Variants in ELMO1 observed in about 807,000 individuals in gnomAD.
ELMO1 encodes engulfment and cell motility protein 1.
ELMO1 carries 26 observed loss-of-function variants against 98.9 expected under a neutral mutation model. The observed-to-expected ratio is 0.26, with a 90% confidence interval of 0.19 to 0.36. ELMO1 has a LOEUF of 0.36. ELMO1 is among the 10% of genes least tolerant of loss of function. The pLI is 1.00. For synonymous variants in ELMO1, 346 were observed against 346.0 expected (o/e 1.00, Z 0.00); for missense variants, 627 against 935.2 (o/e 0.67, Z 4.30).
At chr7:36,981,660 A>T (rs1791064482) in intron 16 of ELMO1, among the ~76,000 whole-genome samples, 1 of 152,178 alleles carries the variant, frequency 6.6e-6, no homozygotes, top group Non-Finnish European at 1.5e-5. Flanking sequence ...CACAGTAAAT[A>T]GCAGGGCCAA....
chr7:37,206,577 C>A (rs1792635548), intron 13 of ELMO1, among the ~76,000 whole-genome samples: 1 of 152,172 alleles, frequency 6.6e-6, no homozygotes, highest in Non-Finnish European at 1.5e-5. Context: ...CCAACCCCTG[C>A]ATATGTAATT....
chr7:36,894,135 C>G (rs747759823), intron 17 of ELMO1, among the ~76,000 whole-genome samples: 9 of 152,122 alleles, frequency 5.9e-5, no homozygotes, highest in African/African-American at 9.7e-5. Context: ...GCTCTTAGAA[C>G]AGGAGAAAGG....
intron 21 of ELMO1, among the ~76,000 whole-genome samples, chr7:36,860,448 A>C (rs1802537291): frequency 6.6e-6 from 1 of 152,252 alleles, no homozygotes; most frequent in Non-Finnish European, 1.5e-5. Context: ...AGTAATTAAA[A>C]GTGTTCACAA....
chr7:37,347,307 A>C (rs1010009701), intron 1 of ELMO1, among the ~76,000 whole-genome samples: 1 of 152,220 alleles, frequency 6.6e-6, no homozygotes, highest in Admixed American at 6.5e-5. Context: ...CACAATTAGC[A>C]GCTGGGGCCA....
chr7:37,236,054 T>TA (rs1268198391), intron 7 of ELMO1, among the ~76,000 whole-genome samples: 11 of 152,358 alleles, frequency 7.2e-5, no homozygotes, highest in African/African-American at 2.6e-4. Flanking sequence ...AAGCAAAAGA[T>TA]AAAGTATATT....
At chr7:37,381,291 C>T (rs1375352491) in intron 1 of ELMO1, among the ~76,000 whole-genome samples, 2 of 152,214 alleles carry the variant, frequency 1.3e-5, no homozygotes, top group Non-Finnish European at 2.9e-5. Context: ...CATAAGACAA[C>T]TATTACTAAG....
intron 7 of ELMO1, among the ~76,000 whole-genome samples, chr7:37,239,722 A>G (rs545783119): frequency 6.6e-6 from 1 of 152,356 alleles, no homozygotes; most frequent in South Asian, 2.1e-4. Flanking sequence ...AGATCTGAAA[A>G]TGTCTCAGCC....
intron 7 of ELMO1, among the ~76,000 whole-genome samples, chr7:37,233,470 T>C (rs554564400): frequency 2.2e-4 from 33 of 152,310 alleles, no homozygotes; most frequent in African/African-American, 7.5e-4. Context: ...AGCTGTGTTG[T>C]TCTGGGCAAT....
chr7:37,032,856 T>TA (rs1562910568), intron 15 of ELMO1, among the ~76,000 whole-genome samples: 2 of 152,064 alleles, frequency 1.3e-5, no homozygotes, highest in Non-Finnish European at 2.9e-5. Context: ...AGCAACAAGA[T>TA]AAAGTGCAGT....
At chr7:37,039,895 C>G (rs1171090308) in intron 15 of ELMO1, among the ~76,000 whole-genome samples, 2 of 152,114 alleles carry the variant, frequency 1.3e-5, no homozygotes, top group Non-Finnish European at 2.9e-5. Context: ...AAGATGTAAA[C>G]TTCTTAAATT....
At chr7:37,371,292 T>C (rs1802105505) in intron 1 of ELMO1, among the ~76,000 whole-genome samples, 1 of 152,242 alleles carries the variant, frequency 6.6e-6, no homozygotes, top group Non-Finnish European at 1.5e-5. Context: ...GGGAAGAGAA[T>C]GGGATCCACG....
chr7:37,205,400 T>C (rs1321648823), intron 13 of ELMO1, among the ~76,000 whole-genome samples: 3 of 152,248 alleles, frequency 2.0e-5, no homozygotes, highest in South Asian at 4.1e-4. Flanking sequence ...ATTTAGTATA[T>C]GTTGTTGATT....
chr7:37,137,602 A>G (rs919695534), intron 13 of ELMO1, among the ~76,000 whole-genome samples: 6 of 151,936 alleles, frequency 3.9e-5, no homozygotes, highest in African/African-American at 7.3e-5. Flanking sequence ...CAGTGGTGCA[A>G]TCTCGCTCAC....
At position 37,437,046 on chromosome 7, in the gene ELMO1, C is replaced by A. The variant is rs1035480079; in HGVS notation, c.-74+11629G>T. On this transcript the variant is annotated intron_variant, in intron 1 of 21. Transcript: ENST00000310758. ...CCCCTACTTGGTGGAAGGTTCCAAACGATTGAAAAAGGGACATTTCCAAAG... is the reference window on the plus strand; with the variant it reads ...CCCCTACTTGGTGGAAGGTTCCAAAAGATTGAAAAAGGGACATTTCCAAAG... Among the ~76,000 whole-genome samples the A allele has an allele frequency of 3.3e-5, 5 of 152,106 alleles. No individual in the cohort carries two copies. The South Asian group carries it at 8.3e-4, about 25-fold the overall frequency.
intron 16 of ELMO1, among the ~76,000 whole-genome samples, chr7:36,936,428 A>C (rs1163660412): frequency 6.6e-6 from 1 of 152,138 alleles, no homozygotes; most frequent in African/African-American, 2.4e-5. Context: ...CTTCTAGTTA[A>C]AGAGCCAACA....
chr7:37,360,126 G>A lies in ELMO1; in HGVS notation c.-73-17363C>T, dbSNP rs368347582. On this transcript the variant is annotated intron_variant, in intron 1 of 21. Transcript: ENST00000310758. The stretch of plus-strand genomic sequence containing the variant: ...TCATGAATGGATAAACTTTGTGTGA[G>A]TTGAATATACTCTCCCTCCCCTTAG... Among the ~76,000 whole-genome samples the A allele has an allele frequency of 3.2e-4, 48 of 152,310 alleles. 1 individual carries two copies. In the South Asian group the frequency reaches 9.3e-3, roughly 30 times the overall value.
intron 1 of ELMO1, among the ~76,000 whole-genome samples, chr7:37,363,372 A>T (rs1335423151): frequency 1.3e-5 from 2 of 152,176 alleles, no homozygotes; most frequent in South Asian, 4.1e-4. Flanking sequence ...CTCTGTTTAA[A>T]TCCCTTCAAT....
At chr7:37,319,352 A>G (rs1583537531) in intron 2 of ELMO1, among the ~76,000 whole-genome samples, 1 of 152,146 alleles carries the variant, frequency 6.6e-6, no homozygotes, top group African/African-American at 2.4e-5. Flanking sequence ...CTCTTCAGAT[A>G]TAAGGTGCTA....
At chr7:36,943,236 G>A (rs1468014185) in intron 16 of ELMO1, among the ~76,000 whole-genome samples, 2 of 152,234 alleles carry the variant, frequency 1.3e-5, no homozygotes, top group Non-Finnish European at 2.9e-5. Flanking sequence ...TGTACGTTCA[G>A]TATCCCTTAT....
Sources: gnomAD v4.1 joint callset for allele counts (sites outside exome capture counted in the v4.1 genomes callset) on GRCh38, gnomAD v4.1.1 for gene constraint, MANE v1.5 for transcripts, NCBI Gene and HGNC (gene_info 2026-07-23, HGNC 2026-07-21) for gene names.